The following PTCSC3 variants were observed in gnomAD, a reference collection of about 807,000 sequenced individuals.
PTCSC3 encodes papillary thyroid carcinoma susceptibility candidate 3.
At chr14:36,150,449 A>G (rs1342310775) in intron 3 of PTCSC3, among the ~76,000 whole-genome samples, 1 of 152,212 alleles carries the variant, frequency 6.6e-6, no homozygotes, top group African/African-American at 2.4e-5. Context: ...TGGACTTCCC[A>G]GACTCCAGAA....
At chr14:36,140,092 A>G (rs1351671453) in intron 3 of PTCSC3, among the ~76,000 whole-genome samples, 2 of 152,220 alleles carry the variant, frequency 1.3e-5, no homozygotes, top group African/African-American at 4.8e-5. Flanking sequence ...CAGAGTATGT[A>G]AACTTTTCAG....
intron 1 of PTCSC3, among the ~76,000 whole-genome samples, chr14:36,168,840 C>T (rs1226268491): frequency 2.0e-5 from 3 of 152,090 alleles, no homozygotes; most frequent in African/African-American, 4.8e-5. Flanking sequence ...AAGTTGGTCT[C>T]AAACTCCTGG....
At chr14:36,173,131 C>A (rs1422466996) in intron 1 of PTCSC3, among the ~76,000 whole-genome samples, 2 of 152,054 alleles carry the variant, frequency 1.3e-5, no homozygotes, top group Non-Finnish European at 2.9e-5. Context: ...CTATTTATAG[C>A]AAAATTAGGT....
chr14:36,152,309 G>T (rs980338981), intron 3 of PTCSC3, among the ~76,000 whole-genome samples: 1 of 151,566 alleles, frequency 6.6e-6, no homozygotes, highest in Non-Finnish European at 1.5e-5. Context: ...ATCAAGAAAA[G>T]CCAGGAATGG....
At chr14:36,149,939 A>G (rs1202796131) in intron 3 of PTCSC3, among the ~76,000 whole-genome samples, 1 of 152,214 alleles carries the variant, frequency 6.6e-6, no homozygotes, top group Non-Finnish European at 1.5e-5. Context: ...TATTATATTT[A>G]CAGGTTGAAC....
intron 3 of PTCSC3, chr14:36,136,403 T>A (rs141419951): frequency 1.4e-4 from 22 of 152,274 alleles, no homozygotes; most frequent in African/African-American, 4.6e-4. Flanking sequence ...ACATTTAATT[T>A]TGGTGGTGTT....
At chr14:36,141,450 T>C (rs1881418683) in intron 3 of PTCSC3, among the ~76,000 whole-genome samples, 1 of 152,060 alleles carries the variant, frequency 6.6e-6, no homozygotes, top group Admixed American at 6.6e-5. Context: ...TTGTCAGATA[T>C]ATAGATATAT....
chr14:36,155,159 T>C (rs1176442887), intron 2 of PTCSC3, among the ~76,000 whole-genome samples: 1 of 152,162 alleles, frequency 6.6e-6, no homozygotes, highest in Non-Finnish European at 1.5e-5. Context: ...TACCTCATTA[T>C]TAAAGATTCT....
intron 1 of PTCSC3, among the ~76,000 whole-genome samples, chr14:36,164,580 A>G (rs1882045435): frequency 9.2e-6 from 1 of 109,084 alleles, no homozygotes; most frequent in Admixed American, 1.0e-4. Context: ...TATTAAAGTT[A>G]GAACTATTTT....
intron 3 of PTCSC3, among the ~76,000 whole-genome samples, chr14:36,148,344 G>T (rs1881638571): frequency 6.6e-6 from 1 of 152,202 alleles, no homozygotes; most frequent in African/African-American, 2.4e-5. Context: ...CTCCGAGCCA[G>T]GTGTGGGATA....
intron 3 of PTCSC3, among the ~76,000 whole-genome samples, chr14:36,137,636 G>C (rs1279071996): frequency 6.6e-6 from 1 of 152,106 alleles, no homozygotes; most frequent in Non-Finnish European, 1.5e-5. Flanking sequence ...TATTGGATTG[G>C]ATATATTCTG....
chr14:36,135,516 T>C (rs1881265477), downstream of PTCSC3, among the ~76,000 whole-genome samples: 1 of 152,220 alleles, frequency 6.6e-6, no homozygotes, highest in African/African-American at 2.4e-5. Flanking sequence ...CAATTACTAC[T>C]GGAGAAGTGT....
At chr14:36,147,679 G>A (rs76437670) in intron 3 of PTCSC3, among the ~76,000 whole-genome samples, 92,070 of 150,872 alleles carry the variant, frequency 0.61, 28,619 homozygotes, top group Middle Eastern at 0.68. Context: ...GTCATTCTCC[G>A]TCCAGCTTTG....
At chr14:36,141,806 A>G (rs189650909) in intron 3 of PTCSC3, among the ~76,000 whole-genome samples, 296 of 152,354 alleles carry the variant, frequency 1.9e-3, no homozygotes, top group Non-Finnish European at 3.7e-3. Flanking sequence ...GTGCTAATGT[A>G]AAAGATGCTT....
intron 2 of PTCSC3, among the ~76,000 whole-genome samples, chr14:36,156,818 G>A: frequency 6.6e-6 from 1 of 152,154 alleles, no homozygotes. Flanking sequence ...TATCATTGAT[G>A]GGCATTTGGG....
intron 3 of PTCSC3, among the ~76,000 whole-genome samples, chr14:36,143,882 G>A (rs1358041391): frequency 4.1e-3 from 620 of 149,802 alleles, no homozygotes; most frequent in Non-Finnish European, 6.9e-3. Flanking sequence ...CATATGGCTA[G>A]CCAGTTTTCC....
intron 2 of PTCSC3, among the ~76,000 whole-genome samples, chr14:36,158,993 T>G (rs948890596): frequency 2.0e-5 from 3 of 151,950 alleles, no homozygotes; most frequent in Non-Finnish European, 4.4e-5. Flanking sequence ...AGGGTATATG[T>G]GTCCAGGAAT....
At chr14:36,137,715 G>C (rs1212794029) in intron 3 of PTCSC3, among the ~76,000 whole-genome samples, 1 of 152,204 alleles carries the variant, frequency 6.6e-6, no homozygotes, top group Non-Finnish European at 1.5e-5. Flanking sequence ...CTATAAGATA[G>C]ATATGTGATC....
intron 2 of PTCSC3, among the ~76,000 whole-genome samples, chr14:36,154,718 CTCTT>C (rs1465230074): frequency 6.6e-6 from 1 of 152,080 alleles, no homozygotes; most frequent in Non-Finnish European, 1.5e-5. Flanking sequence ...AGGCCTCTCT[CTCTT>C]TCCTCTTTCT....
Sources: gnomAD v4.1 joint callset for allele counts (sites outside exome capture counted in the v4.1 genomes callset) on GRCh38, gnomAD v4.1.1 for gene constraint, MANE v1.5 for transcripts, NCBI Gene and HGNC (gene_info 2026-07-23, HGNC 2026-07-21) for gene names.